The following BIRC6 variants were observed in gnomAD, a reference collection of about 807,000 sequenced individuals.
BIRC6 encodes the protein dual E2 ubiquitin-conjugating enzyme/E3 ubiquitin-protein ligase BIRC6.
Under a neutral mutation model 503.3 loss-of-function variants are expected in BIRC6, and 98 were observed. That is an observed-to-expected ratio of 0.19 (90% CI 0.17 to 0.23). BIRC6 has a LOEUF of 0.23. Ranked by LOEUF, BIRC6 falls within the 10% of genes least tolerant of loss-of-function variation. BIRC6 has a pLI of 1.00. For missense variants in BIRC6, 5,360 were observed against 5,806.0 expected, an observed-to-expected ratio of 0.92 and a Z score of 2.50; for synonymous variants, 2,240 against 2,078.7, an observed-to-expected ratio of 1.08 and a Z score of -2.11.
chr2:32,579,373 C>T (rs751577449), intron 66 of BIRC6, among the ~76,000 whole-genome samples: 1 of 151,948 alleles, frequency 6.6e-6, no homozygotes, highest in Non-Finnish European at 1.5e-5. Context: ...TTTGTGCGCC[C>T]CCAAGCCCAA....
At chr2:32,505,246 T>G in intron 50 of BIRC6, 41 bp downstream of exon 50, 1 of 1,450,170 alleles carries the variant, frequency 6.9e-7, no homozygotes, top group African/African-American at 1.4e-5. Context: ...AGAACAAGCT[T>G]TAATTTAGAA....
At chr2:32,405,508 T>C (rs1005634065) in intron 8 of BIRC6, among the ~76,000 whole-genome samples, 5 of 152,182 alleles carry the variant, frequency 3.3e-5, no homozygotes, top group Admixed American at 6.5e-5. Flanking sequence ...TCATATTCTG[T>C]ATAAAATAAC....
chr2:32,454,590 G>GT (rs2047040979), intron 23 of BIRC6, among the ~76,000 whole-genome samples: 1 of 151,868 alleles, frequency 6.6e-6, no homozygotes, highest in Non-Finnish European at 1.5e-5. Flanking sequence ...TTTTATATCT[G>GT]TATTAGTCAC....
chr2:32,559,245 G>T (rs1222178197), intron 65 of BIRC6, among the ~76,000 whole-genome samples: 2 of 152,210 alleles, frequency 1.3e-5, no homozygotes, highest in African/African-American at 2.4e-5. Context: ...AGGCCCTTTT[G>T]AGGATTGGAA....
chr2:32,377,149 C>T (rs964302417), intron 1 of BIRC6, among the ~76,000 whole-genome samples: 5 of 151,598 alleles, frequency 3.3e-5, no homozygotes, highest in Non-Finnish European at 5.9e-5. Flanking sequence ...CCCTATATAC[C>T]CTTTACCCAG....
At position 32,357,196 on chromosome 2, in the gene BIRC6, C is replaced by G; in HGVS notation, c.35C>G (p.Thr12Ser). 6.5e-7 allele frequency: 1 copy of G among 1,539,772 alleles called. No homozygotes were observed. The highest frequency in any genetic ancestry group is 8.7e-7 in the Non-Finnish European group (1 of 1,149,800). The stretch of plus-strand genomic sequence containing the variant: ...GGTGGTGGTGCTGCACCTCCCGGGA[C>G]TGTCACTGAGCCGCTTCCCAGTGTG... ...VTGGGAAPPG[T>S]VTEPLPSVIV... is the part of the protein sequence containing the mutation. The change falls in exon 1 of 74, where the codon ACT (threonine) becomes AGT (serine). Residue 12 changes from threonine (T) to serine (S), a missense_variant. Transcript: ENST00000421745. The surrounding 1 kb of genome is among the most constrained non-coding windows in gnomAD (Gnocchi z 4.9).
intron 61 of BIRC6, among the ~76,000 whole-genome samples, chr2:32,533,512 A>G (rs1042771482): frequency 6.6e-6 from 1 of 152,220 alleles, no homozygotes; most frequent in African/African-American, 2.4e-5. Context: ...AGGTGCTAAA[A>G]TTTAGATATT....
chr2:32,478,700 C>G lies in BIRC6; in HGVS notation c.7134C>G (p.Pro2378=). 6.2e-7 allele frequency: 1 copy of G among 1,613,908 alleles called. No homozygotes were observed. ...ATCTGTGTGAGATTGTGAACGAACCCCAGCTGGAAAGACTGCTGTTACTTT... is the reference window on the plus strand; with the variant it reads ...ATCTGTGTGAGATTGTGAACGAACCGCAGCTGGAAAGACTGCTGTTACTTT... ...TIHLCEIVNE[P]QLERLLLLLV... is the part of the protein sequence containing the mutation. The change falls in exon 36 of 74, where the codon CCC becomes CCG. Residue 2378 remains proline, a synonymous_variant. Coordinates refer to ENST00000421745, the MANE Select transcript of BIRC6 (RefSeq NM_016252.4).
At chr2:32,411,183 C>A (rs1315773574) in intron 9 of BIRC6, among the ~76,000 whole-genome samples, 1 of 151,650 alleles carries the variant, frequency 6.6e-6, no homozygotes, top group Non-Finnish European at 1.5e-5. Flanking sequence ...GTATTACAGG[C>A]ACATGCCACC....
In BIRC6 at chr2:32,487,680, T is replaced by G. The variant is rs777422574; in HGVS notation, c.7847T>G (p.Leu2616Arg). The change falls in exon 41 of 74, where the codon CTT becomes CGT. Residue 2616 changes from leucine to arginine, a missense_variant. Around this residue, in one of 16 missense-constraint regions of BIRC6, gnomAD observed 2,299 missense variants for 2,267.2 expected, o/e 1.01. Coordinates refer to ENST00000421745, the MANE Select transcript of BIRC6 (RefSeq NM_016252.4). ...SQSPTGTDDS[L>R]LGGLQAANQT... ...TCTCCCACTGGAACAGATGATTCAC[T>G]TCTAGGGGGTTTACAAGCAGCAAAC... 2.5e-6 allele frequency: 4 copies of G among 1,613,646 alleles called. No homozygotes were observed. Among genetic ancestry groups the G allele is most frequent in the Non-Finnish European group, 3.4e-6 (4 of 1,179,760 alleles).
chr2:32,534,872 G>A lies in BIRC6; in HGVS notation c.12291+3321G>A, dbSNP rs568955182. Among the ~76,000 whole-genome samples, 7 of 151,588 alleles carry A rather than the reference G, an allele frequency of 4.6e-5. No individual in the cohort carries two copies. The South Asian group carries it at 1.5e-3, about 32-fold the overall frequency. On this transcript the variant is annotated intron_variant, in intron 61 of 73. Coordinates refer to ENST00000421745, the MANE Select transcript of BIRC6 (RefSeq NM_016252.4). The stretch of plus-strand genomic sequence containing the variant: ...ATTTATAGTCCGAGAAGAAGAGTGA[G>A]TTGAAACATGGACAGAAACAGTATT...
chr2:32,496,307 C>T (rs2052465683), intron 45 of BIRC6, among the ~76,000 whole-genome samples: 1 of 151,556 alleles, frequency 6.6e-6, no homozygotes, highest in Non-Finnish European at 1.5e-5. Context: ...CTCACTGCAA[C>T]CTCCACCTCC....
intron 15 of BIRC6, among the ~76,000 whole-genome samples, chr2:32,437,388 A>G (rs2044845785): frequency 1.3e-5 from 2 of 152,164 alleles, no homozygotes; most frequent in African/African-American, 4.8e-5. Flanking sequence ...GACTAGTTCA[A>G]TTGTTAAAGA....
At chr2:32,544,389 G>C (rs562081483) in intron 62 of BIRC6, among the ~76,000 whole-genome samples, 25 of 151,756 alleles carry the variant, frequency 1.6e-4, no homozygotes, top group African/African-American at 5.8e-4. Context: ...TTTCCATTGG[G>C]TTGGCATTGT....
At chr2:32,518,222 C>T (rs763000946) in intron 55 of BIRC6, 32 bp from the exon 56 acceptor site, 4 of 1,587,742 alleles carry the variant, frequency 2.5e-6, no homozygotes, top group Admixed American at 1.8e-5. Flanking sequence ...ATAAATCTTG[C>T]ATTTAACTTT....
intron 62 of BIRC6, 142 bp downstream of exon 62, chr2:32,543,683 TTAGTTA>T: frequency 1.3e-6 from 1 of 755,900 alleles, no homozygotes. Context: ...ACTTCCAGTA[TTAGTTA>T]TACATAATAA....
intron 69 of BIRC6, among the ~76,000 whole-genome samples, chr2:32,599,048 G>GAAA (rs2061870773): frequency 8.4e-6 from 1 of 118,428 alleles, no homozygotes; most frequent in Non-Finnish European, 1.8e-5. Context: ...AAAAAAAAAG[G>GAAA]CCTGGTATGC....
chr2:32,618,853 G>A lies in BIRC6; in HGVS notation c.*949G>A, dbSNP rs978545387. 1.3e-5 allele frequency: 2 copies of A among 152,512 alleles called. No individual in the cohort carries two copies. The highest frequency in any genetic ancestry group is 4.8e-5 in the African/African-American group (2 of 41,394). The allele number at this position is 152,512 out of a possible 1,614,324, so 9.4% of individuals were successfully genotyped here. A position where few individuals can be genotyped will look rare whatever the true frequency, so the allele number is the denominator to read the frequency against. The stretch of plus-strand genomic sequence containing the variant: ...CATTTTCATGCAAATTCTTCCTAGA[G>A]CCAAATAAATAAAGACTTAGGTGAA... On this transcript the variant is annotated 3_prime_UTR_variant, in exon 74 of 74. Coordinates refer to ENST00000421745, the MANE Select transcript of BIRC6 (RefSeq NM_016252.4).
At chr2:32,426,646 A>G (rs932437173) in intron 10 of BIRC6, among the ~76,000 whole-genome samples, 2 of 152,226 alleles carry the variant, frequency 1.3e-5, no homozygotes, top group Non-Finnish European at 2.9e-5. Flanking sequence ...TGTTACAATT[A>G]TTTTATACAA....
Sources: gnomAD v4.1 joint callset for allele counts (sites outside exome capture counted in the v4.1 genomes callset) on GRCh38, gnomAD v4.1.1 for gene constraint, gnomAD v4.1.1 regional missense constraint, Gnocchi (gnomAD v3.1) non-coding constraint, MANE v1.5 for transcripts, NCBI Gene and HGNC (gene_info 2026-07-23, HGNC 2026-07-21) for gene names.